Variants in PLXNA4 observed in about 807,000 individuals in gnomAD.
The protein encoded by PLXNA4 is plexin A4.
In PLXNA4, 44 loss-of-function variants were observed where a neutral mutation model predicts 191.8. The ratio of observed to expected loss-of-function variants is 0.23; its 90% CI spans 0.18 to 0.29. The LOEUF is 0.29. Ranked by LOEUF, PLXNA4 falls within the 10% of genes least tolerant of loss-of-function variation. The pLI is 1.00. For missense variants in PLXNA4, 1,800 were observed against 2,488.8 expected (o/e 0.72, Z 5.89); for synonymous variants, 1,082 against 1,009.5 (o/e 1.07, Z -1.36).
intron 28 of PLXNA4, 23 bp downstream of exon 28, chr7:132,146,487 C>A (rs757222755): frequency 1.2e-5 from 19 of 1,614,050 alleles, no homozygotes; most frequent in African/African-American, 2.7e-5. Context: ...GGGCTCCCTG[C>A]ACCCAGTTCT....
At chr7:132,450,827 T>C (rs567471778) in intron 3 of PLXNA4, among the ~76,000 whole-genome samples, 23 of 152,302 alleles carry the variant, frequency 1.5e-4, no homozygotes, top group African/African-American at 5.5e-4. Context: ...TGTCCCACTA[T>C]GGCCTGGAGC....
intron 31 of PLXNA4, among the ~76,000 whole-genome samples, chr7:132,130,830 G>A (rs1164749130): frequency 2.0e-5 from 3 of 152,180 alleles, no homozygotes; most frequent in Non-Finnish European, 2.9e-5. Context: ...ATGACTGTGT[G>A]CATTCTACTG....
At chr7:132,401,008 C>T (rs901734130) in intron 3 of PLXNA4, among the ~76,000 whole-genome samples, 3 of 152,154 alleles carry the variant, frequency 2.0e-5, no homozygotes, top group Non-Finnish European at 2.9e-5. Context: ...AGGACTCCAG[C>T]GACCTGACAT....
chr7:132,162,721 C>T (rs1322581529), intron 24 of PLXNA4, among the ~76,000 whole-genome samples: 2 of 152,070 alleles, frequency 1.3e-5, no homozygotes, highest in African/African-American at 2.4e-5. Context: ...AAGCAGGGGC[C>T]TCATTCACAG....
chr7:132,151,119 G>A (rs2116588689), intron 25 of PLXNA4, among the ~76,000 whole-genome samples: 1 of 152,138 alleles, frequency 6.6e-6, no homozygotes, highest in Non-Finnish European at 1.5e-5. Context: ...ATTTTGTTAT[G>A]TCCTAGACAG....
At chr7:132,643,656 T>A (rs972793614) in intron 2 of PLXNA4, among the ~76,000 whole-genome samples, 1 of 152,142 alleles carries the variant, frequency 6.6e-6, no homozygotes, top group Non-Finnish European at 1.5e-5. Flanking sequence ...AAGCCTTTTT[T>A]AAAAAGAATG....
intron 2 of PLXNA4, among the ~76,000 whole-genome samples, chr7:132,498,718 A>G (rs774251426): frequency 6.6e-6 from 1 of 152,186 alleles, no homozygotes; most frequent in Non-Finnish European, 1.5e-5. Flanking sequence ...GGGGACTATC[A>G]TATGGCCCCA....
intron 1 of PLXNA4, among the ~76,000 whole-genome samples, chr7:132,564,389 C>T (rs1373282059): frequency 1.3e-5 from 2 of 150,948 alleles, no homozygotes; most frequent in Admixed American, 6.6e-5. Flanking sequence ...CCTCCTCCTC[C>T]TCCCCCTCTT....
intron 4 of PLXNA4, among the ~76,000 whole-genome samples, chr7:132,262,722 A>G (rs1799694161): frequency 6.6e-6 from 1 of 152,058 alleles, no homozygotes; most frequent in Admixed American, 6.6e-5. Context: ...TCTGCTTTGG[A>G]TGGCATTTCG....
chr7:132,415,827 A>T (rs1563086159), intron 3 of PLXNA4, among the ~76,000 whole-genome samples: 1 of 152,192 alleles, frequency 6.6e-6, no homozygotes. Context: ...TGCAGCTAGT[A>T]AGTGGTCAAG....
chr7:132,142,935 C>G (rs1457523733), intron 29 of PLXNA4, among the ~76,000 whole-genome samples: 1 of 152,234 alleles, frequency 6.6e-6, no homozygotes, highest in East Asian at 1.9e-4. Flanking sequence ...GTTTTGCTGA[C>G]AGGCACAGCA....
chr7:132,634,475 C>A (rs924206497), intron 2 of PLXNA4, among the ~76,000 whole-genome samples: 1 of 152,024 alleles, frequency 6.6e-6, no homozygotes, highest in Non-Finnish European at 1.5e-5. Context: ...CACACACACA[C>A]ACACACACTA....
intron 2 of PLXNA4, among the ~76,000 whole-genome samples, chr7:132,491,864 G>A (rs960724538): frequency 6.6e-6 from 1 of 152,142 alleles, no homozygotes; most frequent in Non-Finnish European, 1.5e-5. Context: ...GGAGGCAGAG[G>A]GTTAAAGGGA....
rs2116776707 is a variant in PLXNA4 at position 132,187,451 on chromosome 7, A to G, written c.2993+20T>C. 6.2e-7 allele frequency: 1 copy of G among 1,608,382 alleles called. No homozygotes were observed. The stretch of plus-strand genomic sequence containing the variant: ...AACCTTTCCCTCTCTGGTGCTGCAG[A>G]AAGGGGCCCTCTGAGTTACCTGTGG... On this transcript the variant is annotated intron_variant, in intron 15 of 31. Transcript: ENST00000321063.
At chr7:132,195,498 G>T (rs1797227838) in intron 13 of PLXNA4, among the ~76,000 whole-genome samples, 1 of 152,232 alleles carries the variant, frequency 6.6e-6, no homozygotes, top group Non-Finnish European at 1.5e-5. Flanking sequence ...GGGTCGGTTT[G>T]TGTATTTAAT....
intron 1 of PLXNA4, among the ~76,000 whole-genome samples, chr7:132,519,128 T>C (rs1357181410): frequency 6.6e-6 from 1 of 152,194 alleles, no homozygotes; most frequent in Non-Finnish European, 1.5e-5. Flanking sequence ...TTGGGGAGGA[T>C]AGAATCCTAA....
At position 132,267,791 on chromosome 7, in the gene PLXNA4, T is replaced by C. The variant is rs1028166589; in HGVS notation, c.1504-26625A>G. 2.0e-5 allele frequency among the ~76,000 whole-genome samples: 3 copies of C among 152,140 alleles called. No homozygotes were observed. The East Asian group carries it at 5.8e-4, about 29-fold the overall frequency. On this transcript the variant is annotated intron_variant, in intron 4 of 31. Transcript: ENST00000321063. The stretch of plus-strand genomic sequence containing the variant: ...TGGAGGCTGTTGCGAGTCCTCACCA[T>C]AATAAAGCAAAGGAAAGAACCCGTG...
chr7:132,334,325 G>A (rs527947957), intron 3 of PLXNA4, among the ~76,000 whole-genome samples: 5 of 134,664 alleles, frequency 3.7e-5, no homozygotes, highest in African/African-American at 1.1e-4. Context: ...TGGCCCAGTC[G>A]CAGCTCACTG....
intron 25 of PLXNA4, among the ~76,000 whole-genome samples, chr7:132,150,912 A>G (rs1795577315): frequency 6.6e-6 from 1 of 152,202 alleles, no homozygotes; most frequent in Admixed American, 6.5e-5. Flanking sequence ...ACCCTGGCTG[A>G]GTCATGCCCG....
Sources: gnomAD v4.1 joint callset for allele counts (sites outside exome capture counted in the v4.1 genomes callset) on GRCh38, gnomAD v4.1.1 for gene constraint, MANE v1.5 for transcripts, NCBI Gene and HGNC (gene_info 2026-07-23, HGNC 2026-07-21) for gene names.